NEK6: variants seen among roughly 807,000 people sequenced by gnomAD.
NEK6 encodes the protein serine/threonine-protein kinase Nek6.
Under a neutral mutation model 43.5 loss-of-function variants are expected in NEK6, and 27 were observed. That is an observed-to-expected ratio of 0.62 (90% CI 0.46 to 0.86). The LOEUF (loss-of-function observed/expected upper bound fraction) is 0.86. NEK6 is among the 40% of genes least tolerant of loss of function. The pLI, the probability that NEK6 is intolerant of heterozygous loss-of-function variation, is 0.00. For missense variants in NEK6, 318 were observed against 414.4 expected, an observed-to-expected ratio of 0.77 and a Z score of 2.02; for synonymous variants, 167 against 164.1, an observed-to-expected ratio of 1.02 and a Z score of -0.14.
chr9:124,276,880 G>A (rs1588447278), intron 1 of NEK6, among the ~76,000 whole-genome samples: 1 of 152,220 alleles, frequency 6.6e-6, no homozygotes, highest in Non-Finnish European at 1.5e-5. Context: ...TGGAGCTGAC[G>A]TGGTGGAGGA....
chr9:124,305,553 CAAA>C (rs11445181), intron 2 of NEK6, among the ~76,000 whole-genome samples: 10 of 123,718 alleles, frequency 8.1e-5, no homozygotes, highest in African/African-American at 1.3e-4. Flanking sequence ...GACCCCATCT[CAAA>C]AAAAAAAAAA....
chr9:124,257,906 G>A, upstream of NEK6: 1 of 960,814 alleles, frequency 1.0e-6, no homozygotes, highest in Non-Finnish European at 1.2e-6. Flanking sequence ...GCGCGGCCCC[G>A]CGGCGGGGAG....
chr9:124,297,599 A>G (rs919059622), intron 1 of NEK6, among the ~76,000 whole-genome samples: 1 of 152,194 alleles, frequency 6.6e-6, no homozygotes, highest in African/African-American at 2.4e-5. Flanking sequence ...AGTGTTTTGC[A>G]AATGTAGGGC....
chr9:124,331,105 A>G (rs922290118), intron 7 of NEK6, among the ~76,000 whole-genome samples: 1 of 151,966 alleles, frequency 6.6e-6, no homozygotes, highest in African/African-American at 2.4e-5. Context: ...GCTACTAAAA[A>G]TAGCAAAAAA....
Position 124,326,585 on chromosome 9 carries a change from G to A in NEK6, c.514+147G>A, listed in dbSNP as rs532453589. On this transcript the variant is annotated intron_variant, in intron 6 of 9. Coordinates refer to ENST00000320246, the MANE Select transcript of NEK6 (RefSeq NM_014397.6). The surrounding 1 kb of genome is among the most constrained non-coding windows in gnomAD (Gnocchi z 4.5). Reference sequence around the variant, plus strand: ...CAGGCAAGGGGGCTGCCCAGCAACCGCGCACACACACGCGCCCGGGTCAGG... The same window carrying A: ...CAGGCAAGGGGGCTGCCCAGCAACCACGCACACACACGCGCCCGGGTCAGG... 2.1e-5 allele frequency: 13 copies of A among 629,190 alleles called. No individual in the cohort carries two copies. The highest frequency in any genetic ancestry group is 3.5e-5 in the South Asian group (2 of 57,078). The allele number at this position is 629,190 out of a possible 1,614,324, so 39.0% of individuals were successfully genotyped here.
chr9:124,284,943 G>C (rs2119008923), intron 1 of NEK6, among the ~76,000 whole-genome samples: 1 of 152,336 alleles, frequency 6.6e-6, no homozygotes, highest in East Asian at 1.9e-4. Context: ...CACCTCATGG[G>C]GTGAGCCAGT....
At chr9:124,344,184 C>T (rs916075688) in intron 8 of NEK6, among the ~76,000 whole-genome samples, 3 of 152,196 alleles carry the variant, frequency 2.0e-5, no homozygotes, top group Non-Finnish European at 4.4e-5. Flanking sequence ...CATGAGGGCT[C>T]TTGTGGGTAC....
intron 1 of NEK6, among the ~76,000 whole-genome samples, chr9:124,288,059 T>C (rs1004879820): frequency 6.6e-6 from 1 of 152,348 alleles, no homozygotes; most frequent in African/African-American, 2.4e-5. Context: ...CAGCAGGAGC[T>C]GTGCAGCCTC....
chr9:124,347,307 C>A (rs1264037802), intron 8 of NEK6, among the ~76,000 whole-genome samples: 2 of 152,104 alleles, frequency 1.3e-5, no homozygotes, highest in African/African-American at 4.8e-5. Flanking sequence ...ATGTGGGGCA[C>A]AGAGACCTGC....
chr9:124,310,489 A>G (rs1222342013), intron 2 of NEK6, among the ~76,000 whole-genome samples: 1 of 152,192 alleles, frequency 6.6e-6, no homozygotes, highest in Non-Finnish European at 1.5e-5. Context: ...CGAGGCTTCA[A>G]AGTCAAGGTT....
intron 8 of NEK6, among the ~76,000 whole-genome samples, chr9:124,344,032 G>A (rs906315462): frequency 3.9e-5 from 6 of 152,130 alleles, no homozygotes; most frequent in African/African-American, 7.2e-5. Flanking sequence ...TTCTGGGGGC[G>A]AATCTGTTTC....
chr9:124,257,617 C>T, upstream of NEK6: 6 of 1,475,252 alleles, frequency 4.1e-6, no homozygotes, highest in Non-Finnish European at 5.4e-6. Flanking sequence ...CAATGCTAGG[C>T]GATGGGGAAT....
intron 1 of NEK6, among the ~76,000 whole-genome samples, chr9:124,291,080 G>T (rs953372513): frequency 6.6e-6 from 1 of 152,214 alleles, no homozygotes; most frequent in Non-Finnish European, 1.5e-5. Context: ...CACTGATGGG[G>T]TATCTGCCTT....
chr9:124,327,038 C>T (rs892874283), intron 6 of NEK6, among the ~76,000 whole-genome samples: 1 of 152,332 alleles, frequency 6.6e-6, no homozygotes, highest in Middle Eastern at 3.4e-3. Flanking sequence ...GTGCGAGGCA[C>T]TGTTCTAGGC....
chr9:124,279,589 C>T (rs1831806456), intron 1 of NEK6, among the ~76,000 whole-genome samples: 1 of 152,196 alleles, frequency 6.6e-6, no homozygotes, highest in Non-Finnish European at 1.5e-5. Context: ...ATGCGTGAGC[C>T]ACGCGCCTGG....
rs1408771645 is a variant in NEK6, at chr9:124,281,481, T to TTTTTTC, written c.-29-20449_-29-20444dup. Among the ~76,000 whole-genome samples, 26 of 127,036 alleles carry TTTTTTC rather than the reference T, an allele frequency of 2.0e-4. 4 individuals are homozygous for TTTTTTC. The highest frequency in any genetic ancestry group is 2.3e-4 in the Admixed American group (3 of 12,826). 83.3% of individuals were successfully genotyped at this position (127,036 alleles called of 152,430 possible). ...GCATAGCTACTTTCCATGTCAGCTGTTTTTTCTTTTTTTTTTTTTTTTTTT... is the reference window on the plus strand; with the variant it reads ...GCATAGCTACTTTCCATGTCAGCTGTTTTTTCTTTTTCTTTTTTTTTTTTTTTTTTT... On this transcript the variant is annotated intron_variant, in intron 1 of 9. Transcript: ENST00000320246.
At chr9:124,344,480 G>A (rs1490345863) in intron 8 of NEK6, among the ~76,000 whole-genome samples, 3 of 152,232 alleles carry the variant, frequency 2.0e-5, no homozygotes, top group Admixed American at 2.0e-4. Flanking sequence ...GGAGTGTCTT[G>A]AAGAGGCTGG....
At chr9:124,330,107 G>A (rs760711097) in intron 7 of NEK6, among the ~76,000 whole-genome samples, 8 of 152,222 alleles carry the variant, frequency 5.3e-5, no homozygotes, top group African/African-American at 9.6e-5. Context: ...TTGCTAACAC[G>A]AGGCTGGCAT....
intron 7 of NEK6, 43 bp from the exon 8 acceptor site, chr9:124,339,528 C>T: frequency 7.0e-7 from 1 of 1,433,986 alleles, no homozygotes; most frequent in Non-Finnish European, 9.8e-7. Flanking sequence ...CTGCCCCTGC[C>T]CTACATGGAG....
Sources: allele counts gnomAD v4.1 joint callset (sites outside exome capture counted in the v4.1 genomes callset), GRCh38; gene constraint gnomAD v4.1.1; non-coding constraint Gnocchi (gnomAD v3.1); transcripts MANE v1.5; gene names NCBI Gene and HGNC (gene_info 2026-07-23, HGNC 2026-07-21).